The following DIP2C variants were observed in gnomAD, a reference collection of about 807,000 sequenced individuals.
DIP2C encodes the protein DIP2 acetate--CoA ligase C (putative).
In DIP2C, 33 loss-of-function variants were observed where a neutral mutation model predicts 192.4. The ratio of observed to expected loss-of-function variants is 0.17; its 90% CI spans 0.13 to 0.23. The LOEUF is 0.23. DIP2C is among the 10% of genes least tolerant of loss of function. DIP2C has a pLI of 1.00. For missense variants in DIP2C, 1,537 were observed against 2,110.1 expected (o/e 0.73, Z 5.32); for synonymous variants, 979 against 864.1 (o/e 1.13, Z -2.33).
chr10:387,632 G>A (rs1589677322), intron 14 of DIP2C, 113 bp downstream of exon 14: 2 of 898,372 alleles, frequency 2.2e-6, no homozygotes, highest in Non-Finnish European at 3.7e-6. Context: ...ACAGTGTGGG[G>A]AGGGGACTCC....
intron 10 of DIP2C, among the ~76,000 whole-genome samples, chr10:392,442 TAAG>T (rs962575709): frequency 2.6e-5 from 4 of 152,176 alleles, no homozygotes; most frequent in South Asian, 4.1e-4. Flanking sequence ...ATCATACACA[TAAG>T]AAGATCCCAA....
chr10:574,606 G>A (rs778666416), intron 1 of DIP2C, among the ~76,000 whole-genome samples: 4 of 152,160 alleles, frequency 2.6e-5, no homozygotes, highest in African/African-American at 7.2e-5. Context: ...TGGGAAAACC[G>A]AAACATACTC....
chr10:358,060 C>G, intron 22 of DIP2C, 123 bp from the exon 23 acceptor site: 1 of 639,920 alleles, frequency 1.6e-6, no homozygotes. Flanking sequence ...TTTGAATAAA[C>G]CTTCTAAGAA....
intron 1 of DIP2C, among the ~76,000 whole-genome samples, chr10:660,627 C>T (rs753728444): frequency 5.3e-5 from 8 of 152,166 alleles, no homozygotes; most frequent in Non-Finnish European, 1.0e-4. Context: ...AAAATGTGCA[C>T]CTGCTTTTCA....
At chr10:449,033 G>A (rs1589821250) in intron 3 of DIP2C, among the ~76,000 whole-genome samples, 1 of 135,120 alleles carries the variant, frequency 7.4e-6, no homozygotes, top group Non-Finnish European at 1.6e-5. Flanking sequence ...TCTATACTCA[G>A]GATCACACAC....
rs190861413 is a variant in DIP2C at position 562,247 on chromosome 10, G to A, written c.86-75717C>T. On this transcript the variant is annotated intron_variant, in intron 1 of 36. Transcript: ENST00000280886. ...GGATCCACGTCAAAGGATTTTCCCT[G>A]TTCACCAACATCATCAGGACAAACT... Among the ~76,000 whole-genome samples the A allele has an allele frequency of 1.0e-3, 153 of 152,294 alleles. 2 individuals are homozygous for A. Among genetic ancestry groups the A allele is most frequent in the African/African-American group, 3.5e-3 (147 of 41,550 alleles).
chr10:512,791 G>A (rs768268965), intron 1 of DIP2C, among the ~76,000 whole-genome samples: 2 of 151,862 alleles, frequency 1.3e-5, no homozygotes, highest in African/African-American at 2.4e-5. Context: ...GTGGGTGCCT[G>A]TAATCCCAGC....
At chr10:450,866 G>T (rs958845707) in intron 3 of DIP2C, among the ~76,000 whole-genome samples, 1 of 152,150 alleles carries the variant, frequency 6.6e-6, no homozygotes, top group Non-Finnish European at 1.5e-5. Context: ...AAAGACGAAG[G>T]AAATAGCACA....
At chr10:513,798 A>AT (rs1564808640) in intron 1 of DIP2C, among the ~76,000 whole-genome samples, 1 of 152,234 alleles carries the variant, frequency 6.6e-6, no homozygotes, top group Non-Finnish European at 1.5e-5. Flanking sequence ...TAAAAGTCTC[A>AT]TTAAGTAAAA....
At chr10:414,498 C>T (rs1176343771) in intron 7 of DIP2C, among the ~76,000 whole-genome samples, 1 of 151,970 alleles carries the variant, frequency 6.6e-6, no homozygotes, top group African/African-American at 2.4e-5. Context: ...TATATTTTGT[C>T]CTGAAAGATT....
intron 3 of DIP2C, among the ~76,000 whole-genome samples, chr10:463,465 A>G (rs1350371300): frequency 6.6e-6 from 1 of 152,230 alleles, no homozygotes; most frequent in East Asian, 1.9e-4. Flanking sequence ...TTCAAGGAGA[A>G]CTATAAACCA....
chr10:581,620 C>A (rs1564227892), intron 1 of DIP2C, among the ~76,000 whole-genome samples: 1 of 152,028 alleles, frequency 6.6e-6, no homozygotes, highest in Middle Eastern at 3.4e-3. Flanking sequence ...GTTCCATTAC[C>A]CTCTGAGGCC....
chr10:647,844 A>T (rs979651790), intron 1 of DIP2C, among the ~76,000 whole-genome samples: 1 of 148,732 alleles, frequency 6.7e-6, no homozygotes, highest in Admixed American at 6.7e-5. Flanking sequence ...CCACGTCCAC[A>T]TTTGACGGTG....
intron 1 of DIP2C, among the ~76,000 whole-genome samples, chr10:647,521 A>C (rs1018541838): frequency 1.3e-5 from 2 of 149,052 alleles, no homozygotes; most frequent in African/African-American, 5.0e-5. Flanking sequence ...AACTGAGTCC[A>C]CGTCCACATT....
chr10:635,780 G>A (rs1296476089), intron 1 of DIP2C, among the ~76,000 whole-genome samples: 1 of 152,232 alleles, frequency 6.6e-6, no homozygotes, highest in African/African-American at 2.4e-5. Flanking sequence ...AGGGAGGCGA[G>A]GGCAGAGGTG....
intron 1 of DIP2C, among the ~76,000 whole-genome samples, chr10:548,288 G>T (rs1231737935): frequency 6.8e-6 from 1 of 146,392 alleles, no homozygotes; most frequent in Admixed American, 7.3e-5. Flanking sequence ...GCCCTCTCTG[G>T]AGTTGTCGCC....
chr10:289,348 C>T (rs1037560130), intron 32 of DIP2C, among the ~76,000 whole-genome samples: 3 of 152,002 alleles, frequency 2.0e-5, no homozygotes, highest in Non-Finnish European at 4.4e-5. Context: ...TGGCTCATCG[C>T]AGTCTGACCG....
At chr10:440,776 T>C (rs1301737799) in intron 4 of DIP2C, 95 bp downstream of exon 4, 8 of 1,493,136 alleles carry the variant, frequency 5.4e-6, no homozygotes, top group Middle Eastern at 3.6e-4. Flanking sequence ...TACTGCTTCA[T>C]TATTTTGAAA....
intron 4 of DIP2C, among the ~76,000 whole-genome samples, chr10:431,593 T>C (rs1320550292): frequency 6.6e-6 from 1 of 152,256 alleles, no homozygotes; most frequent in Admixed American, 6.5e-5. Flanking sequence ...TTTCAAATTC[T>C]ACTTGTTCTT....
Sources: gnomAD v4.1 joint callset for allele counts (sites outside exome capture counted in the v4.1 genomes callset) on GRCh38, gnomAD v4.1.1 for gene constraint, MANE v1.5 for transcripts, NCBI Gene and HGNC (gene_info 2026-07-23, HGNC 2026-07-21) for gene names.